Variants in OSTM1 observed in about 807,000 individuals in gnomAD.
OSTM1 encodes the protein osteoclastogenesis associated transmembrane protein 1, also known as osteopetrosis-associated transmembrane protein 1.
A neutral mutation model predicts 35.4 loss-of-function variants in OSTM1; 26 were observed. The ratio of observed to expected loss-of-function variants is 0.73; its 90% CI spans 0.54 to 1.02. The LOEUF is 1.02. Among genes scored for constraint, OSTM1 ranks in the 50% least tolerant of loss-of-function variants. The probability of loss-of-function intolerance (pLI) is 0.00; values close to 1 mark genes in which losing one functional copy is unlikely to be tolerated. For synonymous variants in OSTM1, 181 were observed against 165.0 expected, an observed-to-expected ratio of 1.10 and a Z score of -0.75; for missense variants, 366 against 409.6, an observed-to-expected ratio of 0.89 and a Z score of 0.92.
rs570280265 is a variant in OSTM1 at position 108,056,069 on chromosome 6, G to C, written c.518-1482C>G. Among the ~76,000 whole-genome samples, 12 of 152,284 alleles carry C rather than the reference G, an allele frequency of 7.9e-5. 1 individual carries two copies. Among genetic ancestry groups the C allele is most frequent in the East Asian group, 5.8e-4 (3 of 5,188 alleles). Reference sequence around the variant, plus strand: ...AGAGAGACGGACTAGGTAGACACTAGGATATGACACACTAAGGGACATCCA... The same window carrying C: ...AGAGAGACGGACTAGGTAGACACTACGATATGACACACTAAGGGACATCCA... On this transcript the variant is annotated intron_variant, in intron 2 of 5. Coordinates refer to ENST00000193322, the MANE Select transcript of OSTM1 (RefSeq NM_014028.4).
At chr6:108,073,504 T>C (rs1772524006) in intron 1 of OSTM1, 1 of 152,190 alleles carries the variant, frequency 6.6e-6, no homozygotes, top group Admixed American at 6.5e-5. Flanking sequence ...TGAAGAGCAG[T>C]CTTACAATTT....
chr6:108,051,672 A>T (rs1158367179), intron 3 of OSTM1, among the ~76,000 whole-genome samples: 1 of 152,216 alleles, frequency 6.6e-6, no homozygotes, highest in Admixed American at 6.5e-5. Context: ...ACTGAGACAG[A>T]ACTTTTTAAA....
intron 3 of OSTM1, 91 bp from the exon 4 acceptor site, chr6:108,051,289 AAAC>A: frequency 1.0e-6 from 1 of 954,116 alleles, no homozygotes; most frequent in Non-Finnish European, 1.6e-6. Flanking sequence ...AGAAGACGGG[AAAC>A]AATATGGTGT....
chr6:108,054,359 C>T (rs565360844), intron 3 of OSTM1, 131 bp downstream of exon 3: 7 of 455,214 alleles, frequency 1.5e-5, no homozygotes, highest in Admixed American at 1.5e-4. Flanking sequence ...GAGCAGAAAT[C>T]CAGGTCCACT....
At chr6:108,064,054 A>G (rs1772336070) in intron 2 of OSTM1, 131 bp downstream of exon 2, 4 of 660,004 alleles carry the variant, frequency 6.1e-6, no homozygotes, top group South Asian at 5.1e-5. Context: ...CATGGTGTCC[A>G]TGACAGTTTA....
rs374786848 is a variant in OSTM1 at position 108,051,159 on chromosome 6, C to T, written c.655G>A (p.Glu219Lys). The change falls in exon 4 of 6, where the codon GAA becomes AAA. Residue 219 changes from glutamate (E) to lysine (K), a missense_variant. Glu to Lys is a moderately conservative substitution (Grantham distance 56). Coordinates refer to ENST00000193322, the MANE Select transcript of OSTM1 (RefSeq NM_014028.4). ...HSLLQTKNYS[E>K]VCKNCREAYK... ...GCTTCACGGCAGTTTTTGCATACTT[C>T]TGAATAATTTTTTGTCTGTAAAAGA... 14 of 1,613,386 alleles carry T rather than the reference C, an allele frequency of 8.7e-6. No individual in the cohort carries two copies. The African/African-American group carries it at 1.5e-4, about 17-fold the overall frequency.
chr6:108,052,477 T>C (rs1041960021), intron 3 of OSTM1, among the ~76,000 whole-genome samples: 1 of 149,592 alleles, frequency 6.7e-6, no homozygotes, highest in Non-Finnish European at 1.5e-5. Flanking sequence ...TTAACTAAAA[T>C]TGTGCACATA....
intron 5 of OSTM1, among the ~76,000 whole-genome samples, chr6:108,045,570 T>C (rs1044953817): frequency 6.6e-5 from 10 of 150,614 alleles, no homozygotes; most frequent in Non-Finnish European, 1.5e-4. Flanking sequence ...TGGAACTCTG[T>C]ATTGTAAAAA....
At position 108,074,605 on chromosome 6, in the gene OSTM1, G is replaced by T; in HGVS notation, c.47C>A (p.Pro16Gln). 1 of 1,565,582 alleles carries T rather than the reference G, an allele frequency of 6.4e-7. No homozygotes were observed. Among genetic ancestry groups the T allele is most frequent in the South Asian group, 1.2e-5 (1 of 86,536 alleles). Residue 16 changes from proline (P) to glutamine (Q), a missense_variant, in exon 1 of 6, where the codon CCG (proline) becomes CAG (glutamine). Pro to Gln is a moderately conservative substitution (Grantham distance 76, BLOSUM62 -1). Around this residue, in one of 3 missense-constraint regions of OSTM1, gnomAD observed 236 missense variants for 239.3 expected, o/e 0.99. Transcript: ENST00000193322. ...TAAQRRCSLP[P>Q]WLPLGLLLWS... is the part of the protein sequence containing the mutation. ...CAGCAGCAGCCCCAGCGGCAGCCAC[G>T]GCGGCAACGAACACCTCCGCTGCGC...
At chr6:108,064,011 C>CT (rs1353535616) in intron 2 of OSTM1, among the ~76,000 whole-genome samples, 174 bp downstream of exon 2, 15 of 152,212 alleles carry the variant, frequency 9.9e-5, no homozygotes, top group African/African-American at 3.6e-4. Flanking sequence ...ACTTTTCTGC[C>CT]TTTCGCTATT....
chr6:108,065,103 T>C (rs9384671), intron 1 of OSTM1, among the ~76,000 whole-genome samples: 35,189 of 151,730 alleles, frequency 0.23, 4,175 homozygotes, highest in Admixed American at 0.26. Context: ...AAATGATCCA[T>C]CCACCTCGGC....
At chr6:108,046,613 G>A (rs1040659711) in intron 5 of OSTM1, among the ~76,000 whole-genome samples, 3 of 151,932 alleles carry the variant, frequency 2.0e-5, no homozygotes, top group Admixed American at 6.6e-5. Context: ...CCAAAGTGCT[G>A]GGATTACAGG....
intron 5 of OSTM1, among the ~76,000 whole-genome samples, chr6:108,046,837 T>C (rs909861658): frequency 2.0e-5 from 3 of 152,120 alleles, no homozygotes; most frequent in African/African-American, 4.8e-5. Flanking sequence ...AATTACTTTG[T>C]TAAAAACTAC....
intron 2 of OSTM1, among the ~76,000 whole-genome samples, chr6:108,061,275 A>G (rs1051064907): frequency 1.2e-4 from 19 of 152,180 alleles, no homozygotes; most frequent in Admixed American, 1.0e-3. Context: ...TTTTCTTCAT[A>G]TGAACTAAAC....
At chr6:108,054,012 C>T (rs986098685) in intron 3 of OSTM1, among the ~76,000 whole-genome samples, 10 of 152,194 alleles carry the variant, frequency 6.6e-5, no homozygotes, top group Admixed American at 2.0e-4. Context: ...GGTTAAGATT[C>T]TTAAAGCTAC....
chr6:108,072,117 T>G (rs1278157834), intron 1 of OSTM1, among the ~76,000 whole-genome samples: 1 of 152,234 alleles, frequency 6.6e-6, no homozygotes, highest in Non-Finnish European at 1.5e-5. Flanking sequence ...CTGGCCATTC[T>G]GCCCACAATA....
intron 4 of OSTM1, among the ~76,000 whole-genome samples, chr6:108,050,356 G>A (rs969074359): frequency 1.6e-5 from 2 of 122,432 alleles, no homozygotes; most frequent in East Asian, 2.7e-4. Flanking sequence ...ATCCAGAAAC[G>A]TCTTTTTTTT....
chr6:108,044,706 A>C lies in OSTM1; in HGVS notation c.*79T>G, dbSNP rs542239478. Reference sequence around the variant, plus strand: ...TTAAGAGCTTGACTTGTCAAATCACAGTTTATCTTCTTTCTGAAACCAAGT... The same window carrying C: ...TTAAGAGCTTGACTTGTCAAATCACCGTTTATCTTCTTTCTGAAACCAAGT... On this transcript the variant is annotated 3_prime_UTR_variant, in exon 6 of 6. Coordinates refer to ENST00000193322, the MANE Select transcript of OSTM1 (RefSeq NM_014028.4). The C allele has an allele frequency of 1.3e-6, 1 of 794,522 alleles. No individual in the cohort carries two copies. The highest frequency in any genetic ancestry group is 2.5e-5 in the East Asian group (1 of 40,034). 49.2% of individuals were successfully genotyped at this position (794,522 alleles called of 1,614,324 possible). A position where few individuals can be genotyped will look rare whatever the true frequency, so the allele number is the denominator to read the frequency against.
rs1182337564 is a variant in OSTM1 at position 108,042,806 on chromosome 6, T to A, written c.*1979A>T. 3 of 152,162 alleles carry A rather than the reference T, an allele frequency of 2.0e-5. No homozygotes were observed. Among genetic ancestry groups the A allele is most frequent in the African/African-American group, 7.2e-5 (3 of 41,442 alleles). The allele number at this position is 152,162 out of a possible 1,614,324, so 9.4% of individuals were successfully genotyped here. ...GAAATTTTAAAAATGTATTTAAAAA[T>A]CCAAATAAAGCTTACAATTTCCTTA... On this transcript the variant is annotated 3_prime_UTR_variant, in exon 6 of 6. Coordinates refer to ENST00000193322, the MANE Select transcript of OSTM1 (RefSeq NM_014028.4).
Sources: gnomAD v4.1 joint callset for allele counts (sites outside exome capture counted in the v4.1 genomes callset) on GRCh38, gnomAD v4.1.1 for gene constraint, gnomAD v4.1.1 regional missense constraint, MANE v1.5 for transcripts, NCBI Gene and HGNC (gene_info 2026-07-23, HGNC 2026-07-21) for gene names.